The following PLXNB3 variants were observed in gnomAD, a reference collection of about 807,000 sequenced individuals.
PLXNB3 encodes the protein plexin B3.
PLXNB3 carries 80 observed loss-of-function variants against 125.7 expected under a neutral mutation model. The ratio of observed to expected loss-of-function variants is 0.64; its 90% confidence interval spans 0.53 to 0.77. The LOEUF is 0.77. Ranked by LOEUF, PLXNB3 falls within the 30% of genes least tolerant of loss-of-function variation. The pLI is 0.00. For synonymous variants in PLXNB3, 954 were observed against 783.3 expected (o/e 1.22, Z -3.64); for missense variants, 1,836 against 1,729.3 (o/e 1.06, Z -1.09).
intron 21 of PLXNB3, 25 bp from the exon 22 acceptor site, chrX:153,774,395 C>T (rs782815623): frequency 8.6e-7 from 1 of 1,166,293 alleles, no homozygotes; most frequent in East Asian, 3.1e-5. Context: ...CCAGCATGCA[C>T]TCAGGAACCC....
rs368125889 is a variant in PLXNB3, at chrX:153,777,940, G to A, written c.5262-8G>A. The A allele has an allele frequency of 2.5e-5, 30 of 1,202,027 alleles. No individual in the cohort carries two copies. Among genetic ancestry groups the A allele is most frequent in the African/African-American group, 7.0e-5 (4 of 57,529 alleles). Reference sequence around the variant, plus strand: ...GGCCTCACGCCCACGCCTGCCCTGCGCCCCCAGTCTGCTGCTGCGGTTCTG... The same window carrying A: ...GGCCTCACGCCCACGCCTGCCCTGCACCCCCAGTCTGCTGCTGCGGTTCTG... On this transcript the variant is annotated splice_region_variant and splice_polypyrimidine_tract_variant and intron_variant, in intron 31 of 35. Transcript: ENST00000361971.
chrX:153,778,739 G>A lies in PLXNB3; in HGVS notation c.5625+65G>A, dbSNP rs1260509466. The A allele has an allele frequency of 4.4e-6, 5 of 1,130,262 alleles. No homozygotes were observed. In the Admixed American group the frequency reaches 1.3e-4, roughly 30 times the overall value. 93.1% of individuals were successfully genotyped at this position (1,130,262 alleles called of 1,213,427 possible). A position where few individuals can be genotyped will look rare whatever the true frequency, so the allele number is the denominator to read the frequency against. ...CGGGAGGCCCGTGGACCCTCCCGGG[G>A]GAGCAGGGGTGCCAGCCCATGCTGG... On this transcript the variant is annotated intron_variant, in intron 35 of 35. Coordinates refer to ENST00000361971, the MANE Select transcript of PLXNB3 (RefSeq NM_005393.3).
Position 153,770,256 on chromosome X carries a change from G to A in PLXNB3, c.1786+8G>A. ...TTAACCCTCCAGGCACAGGTGAGTG[G>A]CCCATGGGGTAGGGGGCTGGGATGG... On this transcript the variant is annotated splice_region_variant and intron_variant, in intron 8 of 35. Transcript: ENST00000361971. The A allele has an allele frequency of 3.3e-6, 4 of 1,210,165 alleles. No individual in the cohort carries two copies. The highest frequency in any genetic ancestry group is 4.5e-6 in the Non-Finnish European group (4 of 894,953).
rs1434936951 is a variant in PLXNB3 at position 153,767,838 on chromosome X, C to G, written c.1011C>G (p.Gly337=). ...EQARRLCYTA[G]GRGPSGAEEA... is the part of the protein sequence containing the mutation. ...CCCGGAGACTCTGCTACACGGCGGGCGGCCGGGGCCCCAGCGGCGCAGAGG... is the reference window on the plus strand; with the variant it reads ...CCCGGAGACTCTGCTACACGGCGGGGGGCCGGGGCCCCAGCGGCGCAGAGG... Residue 337 remains glycine, a synonymous_variant, in exon 3 of 36, where the codon GGC becomes GGG. Transcript: ENST00000361971. 1 of 1,142,850 alleles carries G rather than the reference C, an allele frequency of 8.8e-7. No individual in the cohort carries two copies. The highest frequency in any genetic ancestry group is 1.8e-5 in the African/African-American group (1 of 55,811). 94.2% of individuals were successfully genotyped at this position (1,142,850 alleles called of 1,213,427 possible). A position where few individuals can be genotyped will look rare whatever the true frequency, so the allele number is the denominator to read the frequency against.
In PLXNB3 at chrX:153,777,575, C is replaced by G; in HGVS notation, c.5148C>G (p.Ser1716Arg). The G allele has an allele frequency of 8.3e-7, 1 of 1,211,733 alleles. No homozygotes were observed. Among genetic ancestry groups the G allele is most frequent in the Non-Finnish European group, 1.1e-6 (1 of 895,381 alleles). ...FVDDTFQAIL[S>R]VNRPIPIAVK... ...ACGACACCTTCCAGGCCATTCTCAG[C>G]GTGAACCGGCCCATCCCCATCGCCG... is the stretch of plus-strand genomic sequence containing the variant. Residue 1716 changes from serine to arginine, a missense_variant, in exon 31 of 36, where the codon AGC (serine) becomes AGG (arginine). By Grantham distance (110) the Ser-to-Arg change is moderately radical. Transcript: ENST00000361971.
At chrX:153,769,138 C>T in intron 5 of PLXNB3, 24 bp from the exon 6 acceptor site, 1 of 1,196,697 alleles carries the variant, frequency 8.4e-7, no homozygotes, top group Non-Finnish European at 1.1e-6. Flanking sequence ...TGCCCATTGC[C>T]TCTCTGCTCT....
rs2092028445 is a variant in PLXNB3 at position 153,779,256 on chromosome X, C to T, written c.*217C>T. 6.7e-6 allele frequency: 2 copies of T among 298,506 alleles called. No individual in the cohort carries two copies. Among genetic ancestry groups the T allele is most frequent in the Non-Finnish European group, 1.2e-5 (2 of 171,487 alleles). 24.6% of individuals were successfully genotyped at this position (298,506 alleles called of 1,213,427 possible). ...ATTGTTTCTAATTTATAAGGATCCC[C>T]CTCCTTCCCCCTCTCCCCATTGTAT... is the stretch of plus-strand genomic sequence containing the variant. On this transcript the variant is annotated 3_prime_UTR_variant, in exon 36 of 36. Transcript: ENST00000361971.
chrX:153,773,326 G>A lies in PLXNB3; in HGVS notation c.3003G>A (p.Gln1001=). The part of the protein sequence containing the change: ...AAVLVVFGHA[Q]RTLLASPFRY... ...TCCTTGTGGTCTTTGGCCATGCCCA[G>A]CGCACACTGCTCGCCAGCCCCTTCC... is the stretch of plus-strand genomic sequence containing the variant. The change falls in exon 18 of 36, where the codon CAG becomes CAA. Residue 1001 remains glutamine (Q), a synonymous_variant. Coordinates refer to ENST00000361971, the MANE Select transcript of PLXNB3 (RefSeq NM_005393.3). 1 of 1,209,567 alleles carries A rather than the reference G, an allele frequency of 8.3e-7. No homozygotes were observed. Among genetic ancestry groups the A allele is most frequent in the East Asian group, 3.0e-5 (1 of 33,763 alleles).
rs73640825 is a variant in PLXNB3 at position 153,770,438 on chromosome X, G to A, written c.1887G>A (p.Ala629=). Residue 629 remains alanine (A), a synonymous_variant, in exon 9 of 36, where the codon GCG becomes GCA. Transcript: ENST00000361971. ...GCAGTGCCGTCCAGGCCTTGGAGGC[G>A]GCTGCCCCGTGAGTCCCTGGGCCTG... is the stretch of plus-strand genomic sequence containing the variant. The part of the protein sequence containing the change: ...YDCSAVQALE[A]AAPCRACVGS... 1.8e-3 allele frequency: 2,164 copies of A among 1,207,016 alleles called. 30 individuals are homozygous for A. In the African/African-American group the frequency reaches 0.031, roughly 17 times the overall value.
chrX:153,766,272 C>T lies in PLXNB3; in HGVS notation c.46-601C>T, dbSNP rs1557059139. ...TTGCTCAGCCCGCGGCTGCCTGGCT[C>T]TTTCCCCCAGCTGCGGAGGGTTCCT... On this transcript the variant is annotated intron_variant, in intron 2 of 35. Coordinates refer to ENST00000361971, the MANE Select transcript of PLXNB3 (RefSeq NM_005393.3). 7.7e-6 allele frequency: 9 copies of T among 1,166,651 alleles called. No homozygotes were observed. The East Asian group carries it at 2.0e-4, about 25-fold the overall frequency.
intron 15 of PLXNB3, 41 bp from the exon 16 acceptor site, chrX:153,772,141 G>C: frequency 1.1e-6 from 1 of 877,759 alleles, no homozygotes; most frequent in Non-Finnish European, 1.4e-6. Context: ...TGTCCCCTCC[G>C]TCCCTGAGCC....
intron 4 of PLXNB3, among the ~76,000 whole-genome samples, chrX:153,768,648 A>C (rs2091887170): frequency 8.9e-6 from 1 of 112,445 alleles, no homozygotes; most frequent in African/African-American, 3.2e-5. Context: ...TGAGGTGGGC[A>C]GGGTGTGGTG....
rs781953131 is a variant in PLXNB3 at position 153,775,410 on chromosome X, C to T, written c.4334+7C>T. 8.3e-7 allele frequency: 1 copy of T among 1,202,753 alleles called. No individual in the cohort carries two copies. Among genetic ancestry groups the T allele is most frequent in the South Asian group, 1.8e-5 (1 of 55,589 alleles). ...CCAAGCTCATGCTACGCAGGTTGGC[C>T]TTGACCTGGACCCGGTGGCGGGGGT... is the stretch of plus-strand genomic sequence containing the variant. On this transcript the variant is annotated splice_region_variant and intron_variant, in intron 25 of 35. Transcript: ENST00000361971.
In PLXNB3 at chrX:153,768,445, G is replaced by A. The variant is rs781824129; in HGVS notation, c.1266+17G>A. 11 of 1,174,840 alleles carry A rather than the reference G, an allele frequency of 9.4e-6. No homozygotes were observed. The Admixed American group carries it at 1.6e-4, about 17-fold the overall frequency. On this transcript the variant is annotated intron_variant, in intron 4 of 35. Coordinates refer to ENST00000361971, the MANE Select transcript of PLXNB3 (RefSeq NM_005393.3). Reference sequence around the variant, plus strand: ...CTGTACAAGGTGAGGGCCCGGCCTTGCTGTCCGGCTGGGTGTGCCCCTGGC... The same window carrying A: ...CTGTACAAGGTGAGGGCCCGGCCTTACTGTCCGGCTGGGTGTGCCCCTGGC...
intron 6 of PLXNB3, among the ~76,000 whole-genome samples, 160 bp downstream of exon 6, chrX:153,769,422 C>T (rs186687069): frequency 3.6e-5 from 4 of 112,358 alleles, no homozygotes; most frequent in Non-Finnish European, 5.6e-5. Context: ...CTCACTGAGC[C>T]GTCAATCTGG....
At chrX:153,769,423 G>C (rs1008917367) in intron 6 of PLXNB3, among the ~76,000 whole-genome samples, 161 bp downstream of exon 6, 1 of 112,283 alleles carries the variant, frequency 8.9e-6, no homozygotes, top group East Asian at 2.8e-4. Context: ...TCACTGAGCC[G>C]TCAATCTGGT....
chrX:153,777,209 C>A lies in PLXNB3; in HGVS notation c.4929C>A (p.Asn1643Lys). 8.7e-7 allele frequency: 1 copy of A among 1,146,442 alleles called. No homozygotes were observed. Among genetic ancestry groups the A allele is most frequent in the Non-Finnish European group, 1.2e-6 (1 of 859,816 alleles). The allele number at this position is 1,146,442 out of a possible 1,213,427, so 94.5% of individuals were successfully genotyped here. A position where few individuals can be genotyped will look rare whatever the true frequency, so the allele number is the denominator to read the frequency against. The change falls in exon 30 of 36, where the codon AAC becomes AAA. Residue 1643 changes from asparagine (N) to lysine (K), a missense_variant and splice_region_variant. Coordinates refer to ENST00000361971, the MANE Select transcript of PLXNB3 (RefSeq NM_005393.3). ...SLAQRCPLGENIPTLEDGEEG... is the reference protein window; with the variant it reads ...SLAQRCPLGEKIPTLEDGEEG... ...GAAGCCAGGCTCCTGTGCCCTCAGA[C>A]ATACCCACGCTGGAGGATGGCGAGG...
intron 2 of PLXNB3, chrX:153,765,909 G>C: frequency 4.0e-6 from 3 of 754,189 alleles, no homozygotes; most frequent in Non-Finnish European, 4.7e-6. Flanking sequence ...TCTCACCCTC[G>C]GGGGCTCACC....
In PLXNB3 at chrX:153,773,359, C is replaced by T. The variant is rs912988902; in HGVS notation, c.3036C>T (p.Thr1012=). ...RTLLASPFRY[T]ANPQLVAAEP... is the part of the protein sequence containing the mutation. ...TGCTCGCCAGCCCCTTCCGCTACACCGCCAACCCCCAGCTTGTAGCGGCGG... is the reference window on the plus strand; with the variant it reads ...TGCTCGCCAGCCCCTTCCGCTACACTGCCAACCCCCAGCTTGTAGCGGCGG... The change falls in exon 18 of 36, where the codon ACC becomes ACT. Residue 1012 remains threonine, a synonymous_variant. Coordinates refer to ENST00000361971, the MANE Select transcript of PLXNB3 (RefSeq NM_005393.3). The T allele has an allele frequency of 6.6e-6, 8 of 1,207,012 alleles. No individual in the cohort carries two copies. Among genetic ancestry groups the T allele is most frequent in the South Asian group, 1.8e-5 (1 of 56,417 alleles).
Sources: allele counts gnomAD v4.1 joint callset (sites outside exome capture counted in the v4.1 genomes callset), GRCh38; gene constraint gnomAD v4.1.1; transcripts MANE v1.5; gene names NCBI Gene and HGNC (gene_info 2026-07-23, HGNC 2026-07-21).